The following SLC45A2 variants were observed in gnomAD, a reference collection of about 807,000 sequenced individuals.
SLC45A2 encodes membrane-associated transporter protein.
A neutral mutation model predicts 45.5 loss-of-function variants in SLC45A2; 36 were observed. That is an observed-to-expected ratio of 0.79 (90% CI 0.61 to 1.04). SLC45A2 has a LOEUF of 1.04. Among genes scored for constraint, SLC45A2 ranks in the 50% least tolerant of loss-of-function variants. SLC45A2 has a pLI of 0.00. For synonymous variants in SLC45A2, 306 were observed against 269.3 expected, an observed-to-expected ratio of 1.14 and a Z score of -1.33; for missense variants, 719 against 671.0, an observed-to-expected ratio of 1.07 and a Z score of -0.79.
intron 2 of SLC45A2, among the ~76,000 whole-genome samples, chr5:33,979,046 C>A (rs952452797): frequency 4.6e-5 from 7 of 152,142 alleles, no homozygotes; most frequent in African/African-American, 1.4e-4. Flanking sequence ...TGAAAAGAGT[C>A]AAACTCTGTA....
chr5:33,960,377 G>A (rs1752415210), intron 3 of SLC45A2, among the ~76,000 whole-genome samples: 1 of 151,778 alleles, frequency 6.6e-6, no homozygotes, highest in Admixed American at 6.6e-5. Flanking sequence ...TTGTGCTGCT[G>A]TAAACGTGTG....
chr5:33,975,150 A>G (rs1752891257), intron 2 of SLC45A2, among the ~76,000 whole-genome samples: 1 of 152,242 alleles, frequency 6.6e-6, no homozygotes, highest in Non-Finnish European at 1.5e-5. Flanking sequence ...GAGCAAAGAC[A>G]TGCACGGGAG....
intron 2 of SLC45A2, among the ~76,000 whole-genome samples, chr5:33,979,202 A>G (rs1336919663): frequency 6.6e-6 from 1 of 152,252 alleles, no homozygotes; most frequent in Non-Finnish European, 1.5e-5. Context: ...ATCAATCAAT[A>G]CATGTAAGAT....
chr5:33,982,145 A>G, intron 2 of SLC45A2, 91 bp downstream of exon 2: 2 of 1,480,858 alleles, frequency 1.4e-6, no homozygotes, highest in Non-Finnish European at 1.9e-6. Flanking sequence ...TTCATTCAAA[A>G]AACTCCACGT....
intron 1 of SLC45A2, among the ~76,000 whole-genome samples, chr5:33,982,613 CA>C (rs1402683044): frequency 6.6e-6 from 1 of 151,910 alleles, no homozygotes; most frequent in Non-Finnish European, 1.5e-5. Context: ...TCTATGGAGA[CA>C]CAAAGTAAAT....
At position 33,947,363 on chromosome 5, in the gene SLC45A2, CTT is replaced by C. The variant is rs896495198; in HGVS notation, c.1166_1167del (p.Lys389SerfsTer55). ...VFSSLYSYFQKVLVSYIGLKG... is the reference protein window; with the variant it reads ...VFSSLYSYFQXVLVSYIGLKG... ...TTTAATCCAATGTAGGATACCAAAA[CTT>C]TCTGAAAGTCTGTGGGAAGAAGAGA... is the stretch of plus-strand genomic sequence containing the variant. On this transcript the variant is annotated frameshift_variant, in exon 6 of 7. Transcript: ENST00000296589. LOFTEE classifies it high-confidence loss of function. The C allele has an allele frequency of 5.5e-5, 89 of 1,614,064 alleles. No individual in the cohort carries two copies. The highest frequency in any genetic ancestry group is 7.1e-5 in the Non-Finnish European group (84 of 1,180,020).
chr5:33,960,210 G>A (rs1356738104), intron 3 of SLC45A2, among the ~76,000 whole-genome samples: 2 of 151,918 alleles, frequency 1.3e-5, no homozygotes, highest in African/African-American at 2.4e-5. Flanking sequence ...CACCAGCAGG[G>A]TAGAAGTGTC....
intron 5 of SLC45A2, among the ~76,000 whole-genome samples, chr5:33,950,522 A>C (rs1001824926): frequency 6.6e-6 from 1 of 152,150 alleles, no homozygotes; most frequent in Admixed American, 6.5e-5. Flanking sequence ...AATTGGGCTA[A>C]ATTTTTAAGA....
chr5:33,963,520 A>C, intron 3 of SLC45A2, 171 bp downstream of exon 3: 1 of 705,780 alleles, frequency 1.4e-6, no homozygotes, highest in Admixed American at 2.6e-5. Context: ...TTTTTCTTTG[A>C]GATATAAAAT....
Position 33,947,229 on chromosome 5 carries a change from C to T in SLC45A2, c.1302G>A (p.Met434Ile). 1 of 1,614,234 alleles carries T rather than the reference C, an allele frequency of 6.2e-7. No homozygotes were observed. The highest frequency in any genetic ancestry group is 8.5e-7 in the Non-Finnish European group (1 of 1,180,046). The change falls in exon 6 of 7, where the codon ATG becomes ATA. Residue 434 changes from methionine to isoleucine, a missense_variant. Coordinates refer to ENST00000296589, the MANE Select transcript of SLC45A2 (RefSeq NM_016180.5). ...AGGGCACAGTGTACAGGGTGCTGGACATTACACCAAACAGGCTGCACAGGA... is the reference window on the plus strand; with the variant it reads ...AGGGCACAGTGTACAGGGTGCTGGATATTACACCAAACAGGCTGCACAGGA... Reference protein sequence around the residue: ...TLVLCSLFGVMSSTLYTVPFN... With the variant: ...TLVLCSLFGVISSTLYTVPFN...
At chr5:33,952,642 G>A (rs559514377) in intron 4 of SLC45A2, among the ~76,000 whole-genome samples, 12 of 151,216 alleles carry the variant, frequency 7.9e-5, no homozygotes, top group South Asian at 2.1e-4. Flanking sequence ...CATACAGGCC[G>A]GAGCTAACAA....
intron 3 of SLC45A2, among the ~76,000 whole-genome samples, chr5:33,962,584 C>T (rs566130872): frequency 1.9e-4 from 29 of 152,294 alleles, no homozygotes; most frequent in African/African-American, 6.5e-4. Context: ...AACCCAACAG[C>T]TTATTATGTG....
At chr5:33,945,854 T>C (rs1337024431) in intron 6 of SLC45A2, 3 of 699,900 alleles carry the variant, frequency 4.3e-6, no homozygotes, top group Non-Finnish European at 5.3e-6. Flanking sequence ...GAAAGGAAAA[T>C]AAGAAAACAG....
chr5:33,951,730 C>T lies in SLC45A2; in HGVS notation c.1033-53G>A, dbSNP rs1395544480. 3.7e-6 allele frequency: 6 copies of T among 1,611,128 alleles called. No individual in the cohort carries two copies. In the African/African-American group the frequency reaches 4.0e-5, roughly 11 times the overall value. The stretch of plus-strand genomic sequence containing the variant: ...GTACAAATGCAATGTAGTAAGAACC[C>T]TTCTCATGCACTCTGCTTCTCCACC... On this transcript the variant is annotated intron_variant, in intron 4 of 6. Coordinates refer to ENST00000296589, the MANE Select transcript of SLC45A2 (RefSeq NM_016180.5).
chr5:33,968,618 GA>G (rs1312193395), intron 2 of SLC45A2, among the ~76,000 whole-genome samples: 1 of 151,344 alleles, frequency 6.6e-6, no homozygotes, highest in Non-Finnish European at 1.5e-5. Context: ...CAAATATATA[GA>G]AATATGTAAA....
At chr5:33,946,937 C>T in intron 6 of SLC45A2, 1 of 1,455,294 alleles carries the variant, frequency 6.9e-7, no homozygotes, top group Non-Finnish European at 9.0e-7. Context: ...CCCTACAGCT[C>T]CCTAAGTGAG....
intron 1 of SLC45A2, among the ~76,000 whole-genome samples, chr5:33,983,643 G>A (rs968061287): frequency 6.6e-6 from 1 of 152,224 alleles, no homozygotes; most frequent in African/African-American, 2.4e-5. Flanking sequence ...ATTGGTAGCT[G>A]ATTAATGGCT....
At chr5:33,958,837 T>C (rs910663965) in intron 3 of SLC45A2, among the ~76,000 whole-genome samples, 3 of 152,222 alleles carry the variant, frequency 2.0e-5, no homozygotes, top group Admixed American at 6.5e-5. Context: ...GTTGATTTCA[T>C]GTGATCCTCA....
chr5:33,947,872 C>A (rs959216889), intron 5 of SLC45A2, among the ~76,000 whole-genome samples: 1 of 152,214 alleles, frequency 6.6e-6, no homozygotes, highest in African/African-American at 2.4e-5. Flanking sequence ...TAGCCCCCAT[C>A]TGAATGGAGT....
Sources: allele counts gnomAD v4.1 joint callset (sites outside exome capture counted in the v4.1 genomes callset), GRCh38; gene constraint gnomAD v4.1.1; transcripts MANE v1.5; gene names NCBI Gene and HGNC (gene_info 2026-07-23, HGNC 2026-07-21).